UTY: variants seen among roughly 807,000 people sequenced by gnomAD.
UTY encodes the protein histone demethylase UTY.
Under a neutral mutation model 32.5 loss-of-function variants are expected in UTY, and 12 were observed. The ratio of observed to expected loss-of-function variants is 0.37; its 90% CI spans 0.24 to 0.60. The LOEUF is 0.60. UTY is among the 20% of genes least tolerant of loss of function. UTY has a pLI of 0.69. For synonymous variants in UTY, 131 were observed against 103.4 expected (o/e 1.27, Z -1.62); for missense variants, 303 against 299.2 (o/e 1.01, Z -0.09).
intron 6 of UTY, among the ~76,000 whole-genome samples, chrY:13,404,124 A>C (rs2069510489): frequency 3.0e-5 from 1 of 32,963 alleles, no homozygotes; most frequent in South Asian, 6.8e-4. Flanking sequence ...TCCCTCCACG[A>C]AAAAGCTCCA....
At chrY:13,373,319 A>C in intron 8 of UTY, among the ~76,000 whole-genome samples, 2 of 33,961 alleles carry the variant, frequency 5.9e-5, no homozygotes, top group Admixed American at 5.4e-4. Flanking sequence ...CAACACAGAC[A>C]AATTCAAAGA....
intron 17 of UTY, among the ~76,000 whole-genome samples, chrY:13,341,875 T>C (rs2061510143): frequency 6.0e-5 from 2 of 33,213 alleles, no homozygotes; most frequent in African/African-American, 1.2e-4. Context: ...AAGTCCAAAA[T>C]GAATTTTTAT....
chrY:13,355,498 T>C (rs1247457456), intron 16 of UTY, 100 bp from the exon 17 acceptor site: 3 of 318,157 alleles, frequency 9.4e-6, no homozygotes, highest in East Asian at 1.0e-4. Context: ...AAAAAACATA[T>C]AGACAATAGA....
chrY:13,251,607 C>CT, intron 28 of UTY, among the ~76,000 whole-genome samples: 1 of 33,353 alleles, frequency 3.0e-5, no homozygotes, highest in South Asian at 6.6e-4. Context: ...CCCCAAATGA[C>CT]TGAGTCCACA....
intron 4 of UTY, among the ~76,000 whole-genome samples, chrY:13,440,573 C>G: frequency 3.0e-5 from 1 of 33,308 alleles, no homozygotes. Flanking sequence ...AGGTTAAAAC[C>G]TTTATATATC....
intron 17 of UTY, among the ~76,000 whole-genome samples, chrY:13,344,869 G>A (rs369360433): frequency 0.039 from 1,289 of 33,112 alleles, no homozygotes; most frequent in Middle Eastern, 0.3. Context: ...TAAATTAACT[G>A]GGTATTCACC....
intron 27 of UTY, among the ~76,000 whole-genome samples, chrY:13,270,918 A>C (rs776583797): frequency 3.0e-5 from 1 of 32,974 alleles, no homozygotes; most frequent in African/African-American, 1.2e-4. Context: ...TTTGTTTACC[A>C]AAAATAAAAA....
Position 13,249,085 on chromosome Y carries a change from T to G in UTY, c.*771A>C, listed in dbSNP as rs954157574. 1 of 38,639 alleles carries G rather than the reference T, an allele frequency of 2.6e-5. No individual in the cohort carries two copies. Among genetic ancestry groups the G allele is most frequent in the Non-Finnish European group, 6.1e-5 (1 of 16,362 alleles). 9.6% of individuals were successfully genotyped at this position (38,639 alleles called of 400,897 possible). On this transcript the variant is annotated 3_prime_UTR_variant, in exon 30 of 30. Coordinates refer to ENST00000545955, the MANE Select transcript of UTY (RefSeq NM_001258249.2). ...TTTAATAAAAATTTCTGTATAATAC[T>G]AAGCAGTTTTATCTACACATATAAA...
chrY:13,405,967 G>T (rs2069876391), intron 6 of UTY, among the ~76,000 whole-genome samples: 1 of 32,594 alleles, frequency 3.1e-5, no homozygotes, highest in Non-Finnish European at 7.7e-5. Context: ...TCCAGATTCT[G>T]CCCTTAAATA....
Position 13,289,457 on chromosome Y carries a change from C to T in UTY, c.4010+8250G>A. Among the ~76,000 whole-genome samples the T allele has an allele frequency of 2.6e-4, 9 of 34,122 alleles. No homozygotes were observed. The Middle Eastern group carries it at 0.12, about 461-fold the overall frequency. 91.5% of individuals were successfully genotyped at this position (34,122 alleles called of 37,273 possible). ...AGATTCCAGACATTGTATAGAAGAA[C>T]ACTGTGAAACTCCCTGCCTTGTTCT... On this transcript the variant is annotated intron_variant, in intron 27 of 29. Coordinates refer to ENST00000545955, the MANE Select transcript of UTY (RefSeq NM_001258249.2).
chrY:13,438,813 G>C, intron 4 of UTY, among the ~76,000 whole-genome samples: 1 of 33,086 alleles, frequency 3.0e-5, no homozygotes, highest in Non-Finnish European at 7.4e-5. Flanking sequence ...ATGATTTTAA[G>C]TCAGGTGAGG....
chrY:13,470,513 G>A, intron 2 of UTY, among the ~76,000 whole-genome samples: 2 of 32,969 alleles, frequency 6.1e-5, no homozygotes, highest in Non-Finnish European at 1.5e-4. Context: ...TGGGCTGACA[G>A]GACGACTAGA....
intron 4 of UTY, among the ~76,000 whole-genome samples, chrY:13,430,687 T>C (rs780813166): frequency 3.1e-5 from 1 of 32,267 alleles, no homozygotes; most frequent in South Asian, 7.0e-4. Context: ...ATGCCTGTAA[T>C]ACTGGTCCTT....
chrY:13,240,354 C>T (rs767855821), intron 28 of UTY, among the ~76,000 whole-genome samples: 1 of 32,854 alleles, frequency 3.0e-5, no homozygotes, highest in South Asian at 6.8e-4. Context: ...CATATACATG[C>T]AACCAGTACT....
At chrY:13,300,536 G>C (rs2058320128) in intron 25 of UTY, among the ~76,000 whole-genome samples, 1 of 33,229 alleles carries the variant, frequency 3.0e-5, no homozygotes, top group Non-Finnish European at 7.4e-5. Context: ...AGTGAGCTGA[G>C]ATCGTGCCAC....
At chrY:13,337,920 G>A in intron 17 of UTY, among the ~76,000 whole-genome samples, 1 of 31,192 alleles carries the variant, frequency 3.2e-5, no homozygotes, top group Non-Finnish European at 7.7e-5. Flanking sequence ...TTAAATGTAT[G>A]AGACAGAGCC....
chrY:13,310,509 G>A (rs1603364848), intron 21 of UTY, among the ~76,000 whole-genome samples: 1 of 32,990 alleles, frequency 3.0e-5, no homozygotes, highest in African/African-American at 1.2e-4. Context: ...CATCTCAACT[G>A]ATAAGAAATA....
intron 4 of UTY, among the ~76,000 whole-genome samples, chrY:13,432,002 A>C (rs2074081929): frequency 1.8e-4 from 6 of 33,775 alleles, no homozygotes; most frequent in African/African-American, 7.0e-4. Context: ...AACCTGAAAA[A>C]GATCAAGGAA....
intron 17 of UTY, among the ~76,000 whole-genome samples, chrY:13,339,168 C>A: frequency 3.0e-5 from 1 of 33,512 alleles, no homozygotes; most frequent in Non-Finnish European, 7.4e-5. Flanking sequence ...AATAGACTGT[C>A]TCGAACCTTT....
Sources: gnomAD v4.1 joint callset for allele counts (sites outside exome capture counted in the v4.1 genomes callset) on GRCh38, gnomAD v4.1.1 for gene constraint, MANE v1.5 for transcripts, NCBI Gene and HGNC (gene_info 2026-07-23, HGNC 2026-07-21) for gene names.